The following PPM1A variants were observed in gnomAD, a reference collection of about 807,000 sequenced individuals.
The protein encoded by PPM1A is protein phosphatase, Mg2+/Mn2+ dependent 1A.
In PPM1A, 7 loss-of-function variants were observed where a neutral mutation model predicts 35.0. That is an observed-to-expected ratio of 0.20 (90% confidence interval 0.11 to 0.38). The LOEUF (loss-of-function observed/expected upper bound fraction) is 0.38, where lower values mean the gene tolerates loss of function less well. Ranked by LOEUF, PPM1A falls within the 10% of genes least tolerant of loss-of-function variation. The pLI, the probability that PPM1A is intolerant of heterozygous loss-of-function variation, is 1.00. For missense variants in PPM1A, 239 were observed against 467.8 expected (o/e 0.51, Z 4.51); for synonymous variants, 153 against 167.3 (o/e 0.91, Z 0.66).
rs758285377 is a variant in PPM1A at position 60,283,414 on chromosome 14, A to G, written c.711A>G (p.Ala237=). Residue 237 remains alanine, a synonymous_variant, in exon 2 of 6, where the codon GCA becomes GCG. Transcript: ENST00000395076. This position sits in a 1 kb window ranked among gnomAD's most constrained non-coding sequence, Gnocchi z 6.3. ...AAGATGATCAGTTCATTATCCTTGC[A>G]TGTGATGGTATCTGGGATGTTATGG... ...SEEDDQFIIL[A]CDGIWDVMGN... The G allele has an allele frequency of 1.9e-6, 3 of 1,614,094 alleles. No individual in the cohort carries two copies. Among genetic ancestry groups the G allele is most frequent in the Admixed American group, 3.3e-5 (2 of 60,014 alleles).
upstream of PPM1A, chr14:60,245,816 A>G: frequency 6.5e-7 from 1 of 1,544,060 alleles, no homozygotes. This position sits in a 1 kb window ranked among gnomAD's most constrained non-coding sequence, Gnocchi z 4.2. Flanking sequence ...CTCTCCCTGA[A>G]TGAAATTCAT....
chr14:60,251,516 C>G (rs1355872587), intron 1 of PPM1A, among the ~76,000 whole-genome samples: 1 of 152,226 alleles, frequency 6.6e-6, no homozygotes, highest in African/African-American at 2.4e-5. Flanking sequence ...TGTCCATGGA[C>G]AAGTCCTTTA....
rs936938250 is a variant in PPM1A, at chr14:60,294,953, G to A, written c.*2471G>A. The A allele has an allele frequency of 2.0e-5, 3 of 151,604 alleles. No individual in the cohort carries two copies. Among genetic ancestry groups the A allele is most frequent in the East Asian group, 1.9e-4 (1 of 5,192 alleles). The allele number at this position is 151,604 out of a possible 1,614,324, so 9.4% of individuals were successfully genotyped here. On this transcript the variant is annotated 3_prime_UTR_variant, in exon 6 of 6. Coordinates refer to ENST00000395076, the MANE Select transcript of PPM1A (RefSeq NM_021003.5). ...TTCCTGATTCCTGGAGGTAATAGTGGGGGGAAACCAACCATACTTTTTAAA... is the reference window on the plus strand; with the variant it reads ...TTCCTGATTCCTGGAGGTAATAGTGAGGGGAAACCAACCATACTTTTTAAA...
intron 1 of PPM1A, among the ~76,000 whole-genome samples, chr14:60,267,997 T>A (rs1248234874): frequency 6.6e-6 from 1 of 152,158 alleles, no homozygotes; most frequent in Non-Finnish European, 1.5e-5. Context: ...TAACCATAGT[T>A]CAATTATCAA....
intron 1 of PPM1A, among the ~76,000 whole-genome samples, chr14:60,265,030 C>G (rs767163112): frequency 3.3e-5 from 5 of 152,194 alleles, no homozygotes; most frequent in Admixed American, 1.3e-4. Flanking sequence ...TTTGCAGTCT[C>G]CTATTGACTG....
chr14:60,296,815 A>T lies in PPM1A; in HGVS notation c.*4333A>T. 1 of 323,828 alleles carries T rather than the reference A, an allele frequency of 3.1e-6. No individual in the cohort carries two copies. The highest frequency in any genetic ancestry group is 5.7e-6 in the Non-Finnish European group (1 of 175,052). 20.1% of individuals were successfully genotyped at this position (323,828 alleles called of 1,614,324 possible). A position where few individuals can be genotyped will look rare whatever the true frequency, so the allele number is the denominator to read the frequency against. On this transcript the variant is annotated 3_prime_UTR_variant, in exon 6 of 6. Transcript: ENST00000395076. The surrounding 1 kb of genome is among the most constrained non-coding windows in gnomAD (Gnocchi z 4.4). ...GTCAAAATGCTCAATAGAAATGATGAGAGGCATTGGTTCCAATTCATTGTC... is the reference window on the plus strand; with the variant it reads ...GTCAAAATGCTCAATAGAAATGATGTGAGGCATTGGTTCCAATTCATTGTC...
intron 1 of PPM1A, among the ~76,000 whole-genome samples, chr14:60,271,523 T>C (rs1266108942): frequency 6.6e-6 from 1 of 152,206 alleles, no homozygotes; most frequent in African/African-American, 2.4e-5. Context: ...CTGTCCTCTT[T>C]ACCGAATGAT....
At chr14:60,246,109 T>A, upstream of PPM1A, 1 of 1,435,782 alleles carries the variant, frequency 7.0e-7, no homozygotes, top group Non-Finnish European at 9.3e-7. Context: ...TCTTGAGTAG[T>A]GACTGGCTTC....
At position 60,282,048 on chromosome 14, in the gene PPM1A, A is replaced by G. The variant is rs1355188180; in HGVS notation, c.-20-636A>G. Among the ~76,000 whole-genome samples the G allele has an allele frequency of 6.6e-6, 1 of 152,214 alleles. No homozygotes were observed. Among genetic ancestry groups the G allele is most frequent in the African/African-American group, 2.4e-5 (1 of 41,450 alleles). ...CAAAAACTGAAAAACCTCATGGAAA[A>G]GGTAGAATGTAAGGTAGACTTAAAA... On this transcript the variant is annotated intron_variant, in intron 1 of 5. Transcript: ENST00000395076. This position sits in a 1 kb window ranked among gnomAD's most constrained non-coding sequence, Gnocchi z 5.1.
In PPM1A at chr14:60,268,242, C is replaced by G. The variant is rs887266191; in HGVS notation, c.-20-14442C>G. On this transcript the variant is annotated intron_variant, in intron 1 of 5. Transcript: ENST00000395076. The stretch of plus-strand genomic sequence containing the variant: ...TTTTGCATTTTGTTTTTCATGAGCT[C>G]TGAAGTTTTTTGAGGGATAGTTCTT... The G allele has an allele frequency of 5.2e-6, 5 of 956,946 alleles. No individual in the cohort carries two copies. The Admixed American group carries it at 1.9e-4, about 36-fold the overall frequency. 59.3% of individuals were successfully genotyped at this position (956,946 alleles called of 1,614,324 possible).
At chr14:60,268,236 T>G in intron 1 of PPM1A, 235 of 935,722 alleles carry the variant, frequency 2.5e-4, no homozygotes, top group Middle Eastern at 5.5e-4. Context: ...TTGTTTTTCA[T>G]GAGCTCTGAA....
At chr14:60,271,847 C>T (rs1885167446) in intron 1 of PPM1A, among the ~76,000 whole-genome samples, 1 of 151,924 alleles carries the variant, frequency 6.6e-6, no homozygotes, top group South Asian at 2.1e-4. Flanking sequence ...ATGATATTTA[C>T]CTAGGTATTC....
chr14:60,288,764 T>C (rs1483980883), intron 3 of PPM1A, among the ~76,000 whole-genome samples: 1 of 152,046 alleles, frequency 6.6e-6, no homozygotes, highest in East Asian at 1.9e-4. Flanking sequence ...TATTTACAAA[T>C]TGAGAAGCAG....
Position 60,292,936 on chromosome 14 carries a change from G to C in PPM1A, c.*454G>C, listed in dbSNP as rs1490229943. 1 of 153,282 alleles carries C rather than the reference G, an allele frequency of 6.5e-6. No individual in the cohort carries two copies. The highest frequency in any genetic ancestry group is 1.5e-5 in the Non-Finnish European group (1 of 68,910). 9.5% of individuals were successfully genotyped at this position (153,282 alleles called of 1,614,324 possible). ...AACAGGGAGAGCAGCAGCCATGTCA[G>C]CTACACGCTCAAATGTGCAGATGAT... On this transcript the variant is annotated 3_prime_UTR_variant, in exon 6 of 6. Transcript: ENST00000395076. The surrounding 1 kb of genome is among the most constrained non-coding windows in gnomAD (Gnocchi z 4.2).
At chr14:60,271,654 C>T (rs755517087) in intron 1 of PPM1A, among the ~76,000 whole-genome samples, 1 of 152,162 alleles carries the variant, frequency 6.6e-6, no homozygotes, top group Non-Finnish European at 1.5e-5. Context: ...AGGTCAAATT[C>T]AGGTTATCAG....
chr14:60,291,497 C>G, intron 5 of PPM1A, 43 bp downstream of exon 5: 1 of 1,458,630 alleles, frequency 6.9e-7, no homozygotes, highest in Non-Finnish European at 9.4e-7. Context: ...TTCCCCTCCA[C>G]TCTAAATGCA....
intron 1 of PPM1A, among the ~76,000 whole-genome samples, chr14:60,252,060 G>A (rs1481661932): frequency 6.6e-6 from 1 of 152,190 alleles, no homozygotes; most frequent in African/African-American, 2.4e-5. Flanking sequence ...ATTTTGTCAT[G>A]TGGTAAATAT....
chr14:60,272,375 AG>A (rs1390406546), intron 1 of PPM1A, among the ~76,000 whole-genome samples: 1 of 148,498 alleles, frequency 6.7e-6, no homozygotes, highest in East Asian at 2.0e-4. Context: ...TGTGTACACT[AG>A]GGGGAGTGTT....
chr14:60,282,643 A>T lies in PPM1A; in HGVS notation c.-20-41A>T. The T allele has an allele frequency of 6.3e-7, 1 of 1,582,012 alleles. No individual in the cohort carries two copies. The highest frequency in any genetic ancestry group is 8.6e-7 in the Non-Finnish European group (1 of 1,164,046). The stretch of plus-strand genomic sequence containing the variant: ...AGATTGTTTGGTACATATTTTGTTT[A>T]TAAGACAGTTATTGACTTTCCTGTT... On this transcript the variant is annotated intron_variant, in intron 1 of 5. Transcript: ENST00000395076. This position sits in a 1 kb window ranked among gnomAD's most constrained non-coding sequence, Gnocchi z 5.1.
Sources: gnomAD v4.1 joint callset for allele counts (sites outside exome capture counted in the v4.1 genomes callset) on GRCh38, gnomAD v4.1.1 for gene constraint, Gnocchi (gnomAD v3.1) non-coding constraint, MANE v1.5 for transcripts, NCBI Gene and HGNC (gene_info 2026-07-23, HGNC 2026-07-21) for gene names.